Variants in KLF8 observed in about 807,000 individuals in gnomAD.
KLF8 encodes KLF transcription factor 8, also known as Krueppel-like factor 8.
Under a neutral mutation model 18.2 loss-of-function variants are expected in KLF8, and 10 were observed. The ratio of observed to expected loss-of-function variants is 0.55; its 90% CI spans 0.34 to 0.93. KLF8 has a LOEUF of 0.93. Among genes scored for constraint, KLF8 ranks in the 40% least tolerant of loss-of-function variants. KLF8 has a pLI of 0.02. For synonymous variants in KLF8, 109 were observed against 97.3 expected (o/e 1.12, Z -0.71); for missense variants, 264 against 277.9 (o/e 0.95, Z 0.36).
Position 56,237,142 on chromosome X carries a change from C to A in KLF8, c.7+3801C>A, listed in dbSNP as rs761169714. Among the ~76,000 whole-genome samples the A allele has an allele frequency of 3.1e-3, 314 of 102,280 alleles. 1 individual carries two copies. Among genetic ancestry groups the A allele is most frequent in the Non-Finnish European group, 5.5e-3 (276 of 50,404 alleles). 88.8% of individuals were successfully genotyped at this position (102,280 alleles called of 115,157 possible). A position where few individuals can be genotyped will look rare whatever the true frequency, so the allele number is the denominator to read the frequency against. On this transcript the variant is annotated intron_variant, in intron 1 of 5. Coordinates refer to ENST00000468660, the MANE Select transcript of KLF8 (RefSeq NM_007250.5). ...TGAATTGTGACCCCCCCATCCCCCC[C>A]AAAAAAATTCATACATTGAAGACCT...
At chrX:56,008,881 T>G in the KLF8 span, among the ~76,000 whole-genome samples, 1 of 111,809 alleles carries the variant, frequency 8.9e-6, no homozygotes, top group Non-Finnish European at 1.9e-5. Flanking sequence ...ACTGGGCTGG[T>G]TCTCCCTGCA....
chrX:56,044,028 AT>A, the KLF8 span, among the ~76,000 whole-genome samples: 10,204 of 110,519 alleles, frequency 0.092, 1,163 homozygotes, highest in African/African-American at 0.32. Context: ...TCTGTTTGTA[AT>A]TTTTTTTGAA....
At chrX:56,058,594 C>T in the KLF8 span, among the ~76,000 whole-genome samples, 1 of 101,504 alleles carries the variant, frequency 9.9e-6, no homozygotes, top group Non-Finnish European at 2.0e-5. Flanking sequence ...CAAGTAAGAA[C>T]ATGTGGGGTT....
the KLF8 span, among the ~76,000 whole-genome samples, chrX:56,206,651 C>A: frequency 8.9e-6 from 1 of 112,427 alleles, no homozygotes; most frequent in Non-Finnish European, 1.9e-5. Context: ...GGTACAGCCT[C>A]CCTCCTGGCT....
the KLF8 span, among the ~76,000 whole-genome samples, chrX:55,996,332 T>G: frequency 8.9e-6 from 1 of 112,114 alleles, no homozygotes; most frequent in Admixed American, 9.4e-5. Flanking sequence ...TAATCTTTGT[T>G]GCCATCCAAA....
the KLF8 span, among the ~76,000 whole-genome samples, chrX:56,058,183 T>C: frequency 8.4e-5 from 7 of 83,660 alleles, no homozygotes; most frequent in African/African-American, 3.3e-4. Context: ...TATACACACA[T>C]ATATATATAC....
chrX:56,105,243 AGCT>A, the KLF8 span, among the ~76,000 whole-genome samples: 1 of 111,525 alleles, frequency 9.0e-6, no homozygotes, highest in Admixed American at 9.5e-5. Flanking sequence ...CTTGGTGCAG[AGCT>A]GAGTTCAAGT....
chrX:56,106,911 T>A, the KLF8 span, among the ~76,000 whole-genome samples: 1 of 112,150 alleles, frequency 8.9e-6, no homozygotes, highest in African/African-American at 3.2e-5. Flanking sequence ...GTAGATACCA[T>A]TTTTATTGAT....
the KLF8 span, among the ~76,000 whole-genome samples, chrX:56,105,528 C>A: frequency 9.1e-6 from 1 of 109,578 alleles, no homozygotes; most frequent in Non-Finnish European, 1.9e-5. Flanking sequence ...AGAACTGCAA[C>A]CCCTGCTTTT....
chrX:56,282,023 T>C lies in KLF8; in HGVS notation c.899-2290T>C, dbSNP rs182829851. Reference sequence around the variant, plus strand: ...TTTCCTCAATTGGTTGAGGTGTATATAGGAATTCTCAGAAGACATTCTTGA... The same window carrying C: ...TTTCCTCAATTGGTTGAGGTGTATACAGGAATTCTCAGAAGACATTCTTGA... On this transcript the variant is annotated intron_variant, in intron 5 of 5. Coordinates refer to ENST00000468660, the MANE Select transcript of KLF8 (RefSeq NM_007250.5). 3.5e-5 allele frequency among the ~76,000 whole-genome samples: 4 copies of C among 112,709 alleles called. No homozygotes were observed. The East Asian group carries it at 1.1e-3, about 31-fold the overall frequency.
At chrX:56,082,635 A>C in the KLF8 span, among the ~76,000 whole-genome samples, 1 of 110,278 alleles carries the variant, frequency 9.1e-6, no homozygotes, top group Non-Finnish European at 1.9e-5. Flanking sequence ...ACATCACATA[A>C]GCTCCATTCT....
At chrX:56,195,522 CA>C in the KLF8 span, among the ~76,000 whole-genome samples, 2 of 111,447 alleles carry the variant, frequency 1.8e-5, no homozygotes. Flanking sequence ...AGCCAGAAGA[CA>C]AGGTTACAGA....
At chrX:56,179,316 G>A in the KLF8 span, among the ~76,000 whole-genome samples, 1 of 112,074 alleles carries the variant, frequency 8.9e-6, no homozygotes, top group Admixed American at 9.5e-5. Flanking sequence ...GTATAGGAAT[G>A]CTTGTGATTT....
At chrX:55,949,518 G>T in the KLF8 span, among the ~76,000 whole-genome samples, 2 of 111,308 alleles carry the variant, frequency 1.8e-5, no homozygotes, top group Non-Finnish European at 3.8e-5. Flanking sequence ...GAAGCACCGG[G>T]CATGGTGGCT....
chrX:56,177,396 A>G, the KLF8 span, among the ~76,000 whole-genome samples: 3 of 111,166 alleles, frequency 2.7e-5, no homozygotes, highest in Non-Finnish European at 5.6e-5. Context: ...GGGTATCAGC[A>G]GTGGAGGCTG....
the KLF8 span, among the ~76,000 whole-genome samples, chrX:56,147,650 T>C: frequency 9.0e-6 from 1 of 111,700 alleles, no homozygotes; most frequent in Non-Finnish European, 1.9e-5. Flanking sequence ...TTAAATGGTA[T>C]AAGGTTTATT....
the KLF8 span, among the ~76,000 whole-genome samples, chrX:56,022,188 C>T: frequency 9.0e-6 from 1 of 110,860 alleles, no homozygotes; most frequent in Admixed American, 9.6e-5. Flanking sequence ...ATGTGAGAAT[C>T]AATGTTTTCA....
the KLF8 span, among the ~76,000 whole-genome samples, chrX:55,940,113 A>T: frequency 2.7e-5 from 3 of 112,165 alleles, no homozygotes; most frequent in South Asian, 7.4e-4. Context: ...ATGAACATTG[A>T]TGCAAAAATC....
At position 56,290,969 on chromosome X, in the gene KLF8, C is replaced by T. The variant is rs1366792109; in HGVS notation, c.*6475C>T. Among the ~76,000 whole-genome samples, 1 of 110,066 alleles carries T rather than the reference C, an allele frequency of 9.1e-6. No individual in the cohort carries two copies. Among genetic ancestry groups the T allele is most frequent in the African/African-American group, 3.3e-5 (1 of 30,322 alleles). On this transcript the variant is annotated 3_prime_UTR_variant, in exon 6 of 6. Transcript: ENST00000468660. Reference sequence around the variant, plus strand: ...CTACAAGTAGCTGTGTTGGACATTACTTTATAACTATGCTGTATGCCATGC... The same window carrying T: ...CTACAAGTAGCTGTGTTGGACATTATTTTATAACTATGCTGTATGCCATGC...
Sources: allele counts gnomAD v4.1 joint callset (sites outside exome capture counted in the v4.1 genomes callset), GRCh38; gene constraint gnomAD v4.1.1; transcripts MANE v1.5; gene names NCBI Gene and HGNC (gene_info 2026-07-23, HGNC 2026-07-21).